OBSL1: variants seen among roughly 807,000 people sequenced by gnomAD.
The protein encoded by OBSL1 is obscurin-like protein 1.
Under a neutral mutation model 172.0 loss-of-function variants are expected in OBSL1, and 160 were observed. The observed-to-expected ratio is 0.93, with a 90% confidence interval of 0.82 to 1.06. The LOEUF (loss-of-function observed/expected upper bound fraction) is 1.06, where lower values mean the gene tolerates loss of function less well. Ranked by LOEUF, OBSL1 falls within the 50% of genes least tolerant of loss-of-function variation. OBSL1 has a pLI of 0.00. For missense variants in OBSL1, 2,681 were observed against 2,715.4 expected (o/e 0.99, Z 0.28); for synonymous variants, 1,200 against 1,196.3 (o/e 1.00, Z -0.06).
rs559587743 is a variant in OBSL1, at chr2:219,565,768, T to G, written c.2135-254A>C. ...TATAAACCAGCCCTCCAGGTGGTTC[T>G]GATGTCAGTGAACTGGGATCCCATT... On this transcript the variant is annotated intron_variant, in intron 5 of 20. Transcript: ENST00000404537. Among the ~76,000 whole-genome samples the G allele has an allele frequency of 5.6e-4, 85 of 152,316 alleles. No homozygotes were observed. The East Asian group carries it at 7.7e-3, about 14-fold the overall frequency.
chr2:219,549,326 A>C, downstream of OBSL1: 1 of 1,613,706 alleles, frequency 6.2e-7, no homozygotes, highest in Non-Finnish European at 8.5e-7. Flanking sequence ...GTGCCCATCA[A>C]ACGCTTCAAT....
intron 6 of OBSL1, among the ~76,000 whole-genome samples, chr2:219,564,021 T>C (rs1276735519): frequency 6.6e-6 from 1 of 152,162 alleles, no homozygotes; most frequent in Non-Finnish European, 1.5e-5. Flanking sequence ...AGGTGAAGGA[T>C]GATCCAACAA....
At chr2:219,548,158 G>T, downstream of OBSL1, 1 of 1,322,524 alleles carries the variant, frequency 7.6e-7, no homozygotes, top group Non-Finnish European at 1.0e-6. Flanking sequence ...TGACTGGGGA[G>T]TGGGGGACAG....
chr2:219,552,135 G>T lies in OBSL1; in HGVS notation c.5390C>A (p.Ser1797Tyr), dbSNP rs776895975. 8.7e-6 allele frequency: 14 copies of T among 1,611,284 alleles called. No individual in the cohort carries two copies. The highest frequency in any genetic ancestry group is 1.1e-5 in the South Asian group (1 of 90,600). Residue 1797 changes from serine (S) to tyrosine (Y), a missense_variant, in exon 19 of 21, where the codon TCC becomes TAC. Around this residue, in one of 5 missense-constraint regions of OBSL1, gnomAD observed 1,765 missense variants for 1,748.3 expected, o/e 1.01. Coordinates refer to ENST00000404537, the MANE Select transcript of OBSL1 (RefSeq NM_015311.3). ...ACCCTCCACTTCCAGTAGAGCCAGG[G>T]ACTGGGCGGGCCCCGCCTGGAAGCG... ...EVRFQAGPAQ[S>Y]LALLEVEALP...
chr2:219,551,272 G>A (rs1047001556), intron 20 of OBSL1: 6 of 1,405,304 alleles, frequency 4.3e-6, no homozygotes, highest in Non-Finnish European at 5.5e-6. Context: ...CCAGTGGCAG[G>A]AGAGAGGAGA....
At position 219,567,404 on chromosome 2, in the gene OBSL1, A is replaced by T; in HGVS notation, c.1706T>A (p.Ile569Asn). 1.2e-6 allele frequency: 2 copies of T among 1,613,136 alleles called. No individual in the cohort carries two copies. The highest frequency in any genetic ancestry group is 2.2e-5 in the South Asian group (2 of 90,880). ...GSEDWIQCFS[I>N]EKAGAVEVPG... ...CACCTCCACGGCTCCGGCTTTCTCGATGCTGAAGCACTGAATCCAGTCTTC... is the reference window on the plus strand; with the variant it reads ...CACCTCCACGGCTCCGGCTTTCTCGTTGCTGAAGCACTGAATCCAGTCTTC... The change falls in exon 4 of 21, where the codon ATC becomes AAC. Residue 569 changes from isoleucine to asparagine, a missense_variant. Ile to Asn is a moderately radical substitution (Grantham distance 149). Coordinates refer to ENST00000404537, the MANE Select transcript of OBSL1 (RefSeq NM_015311.3).
rs760732939 is a variant in OBSL1, at chr2:219,551,522, TACTC to T, written c.5683+3_5683+6del. 1 of 1,576,774 alleles carries T rather than the reference TACTC, an allele frequency of 6.3e-7. No individual in the cohort carries two copies. Among genetic ancestry groups the T allele is most frequent in the Non-Finnish European group, 8.6e-7 (1 of 1,159,908 alleles). On this transcript the variant is annotated splice_donor_5th_base_variant and intron_variant, in intron 20 of 20. Coordinates refer to ENST00000404537, the MANE Select transcript of OBSL1 (RefSeq NM_015311.3). ...CCTCCTGCCGCTGCCCAGTTGGCTT[TACTC>T]ACCCTCTACCAGCAGCCGTGTGTGG...
At chr2:219,550,499 T>C, downstream of OBSL1, 1 of 355,448 alleles carries the variant, frequency 2.8e-6, no homozygotes, top group Non-Finnish European at 5.3e-6. Context: ...CTGGTGTCTG[T>C]CATGCCAACC....
rs1350868057 is a variant in OBSL1 at position 219,558,563 on chromosome 2, G to T, written c.3227-104C>A. ...TCCCCACTGGCAGCACAGCTCTTGA[G>T]AACAGTGCCAGCTGCAGTCCATGGA... On this transcript the variant is annotated intron_variant, in intron 9 of 20. Transcript: ENST00000404537. 5 of 1,315,364 alleles carry T rather than the reference G, an allele frequency of 3.8e-6. No homozygotes were observed. In the African/African-American group the frequency reaches 5.9e-5, roughly 16 times the overall value. The allele number at this position is 1,315,364 out of a possible 1,614,324, so 81.5% of individuals were successfully genotyped here. A position where few individuals can be genotyped will look rare whatever the true frequency, so the allele number is the denominator to read the frequency against.
Position 219,552,783 on chromosome 2 carries a change from G to C in OBSL1, c.5146+85C>G, listed in dbSNP as rs988779387. 3 of 1,516,224 alleles carry C rather than the reference G, an allele frequency of 2.0e-6. No individual in the cohort carries two copies. The African/African-American group carries it at 4.2e-5, about 21-fold the overall frequency. The allele number at this position is 1,516,224 out of a possible 1,614,324, so 93.9% of individuals were successfully genotyped here. On this transcript the variant is annotated intron_variant, in intron 17 of 20. Coordinates refer to ENST00000404537, the MANE Select transcript of OBSL1 (RefSeq NM_015311.3). ...CTCCACGCCCCCTTTCTAGAAGCAC[G>C]CGCGGTCATCAGGGTCCGGGGAAGA... is the stretch of plus-strand genomic sequence containing the variant.
downstream of OBSL1, among the ~76,000 whole-genome samples, chr2:219,548,866 AGAT>A (rs1206591537): frequency 2.0e-5 from 3 of 152,122 alleles, no homozygotes; most frequent in Admixed American, 1.3e-4. Flanking sequence ...TCCAGTGGAA[AGAT>A]GATGATGGCT....
At chr2:219,561,370 C>T (rs367703023) in intron 8 of OBSL1, among the ~76,000 whole-genome samples, 3 of 152,114 alleles carry the variant, frequency 2.0e-5, no homozygotes, top group African/African-American at 2.4e-5. Flanking sequence ...ACTGAACCTC[C>T]GTCACTTCCA....
At position 219,551,794 on chromosome 2, in the gene OBSL1, C is replaced by T; in HGVS notation, c.5418G>A (p.Leu1806=). Residue 1806 remains leucine, a synonymous_variant, in exon 20 of 21, where the codon TTG becomes TTA. Coordinates refer to ENST00000404537, the MANE Select transcript of OBSL1 (RefSeq NM_015311.3). The stretch of plus-strand genomic sequence containing the variant: ...GGGGGTGGCGGCACATCTGGAGAGG[C>T]AATGCTGGGGGTAGGGGGCGGGGGC... ...QSLALLEVEA[L]PLQMCRHPPR... 1 of 1,573,354 alleles carries T rather than the reference C, an allele frequency of 6.4e-7. No individual in the cohort carries two copies. The highest frequency in any genetic ancestry group is 8.6e-7 in the Non-Finnish European group (1 of 1,156,722).
chr2:219,549,836 C>G (rs776238004), downstream of OBSL1: 1 of 1,614,004 alleles, frequency 6.2e-7, no homozygotes, highest in East Asian at 2.2e-5. Context: ...CCTGCTCAGG[C>G]CCCCCAGTGC....
chr2:219,549,115 C>T (rs376749290), downstream of OBSL1: 266 of 1,610,214 alleles, frequency 1.7e-4, no homozygotes, highest in African/African-American at 2.5e-4. Flanking sequence ...CAAGGCGCAC[C>T]GTCCTCTGAG....
At chr2:219,563,015 T>C (rs991025964) in intron 7 of OBSL1, 3 of 464,386 alleles carry the variant, frequency 6.5e-6, no homozygotes, top group Admixed American at 3.6e-5. Flanking sequence ...GGGGGTCTCC[T>C]CCTCCAAGAT....
rs202180262 is a variant in OBSL1 at position 219,570,506 on chromosome 2, G to C, written c.727C>G (p.Pro243Ala). ...PPADPDEAPA[P>A]VVEPLKCAPK... is the part of the protein sequence containing the mutation. ...GCGCACTTGAGCGGCTCCACCACCGGCGCGGGGGCCTCGTCGGGGTCCGCG... is the reference window on the plus strand; with the variant it reads ...GCGCACTTGAGCGGCTCCACCACCGCCGCGGGGGCCTCGTCGGGGTCCGCG... The change falls in exon 1 of 21, where the codon CCG becomes GCG. Residue 243 changes from proline (P) to alanine (A), a missense_variant. Coordinates refer to ENST00000404537, the MANE Select transcript of OBSL1 (RefSeq NM_015311.3). 1.6e-5 allele frequency: 26 copies of C among 1,611,368 alleles called. No individual in the cohort carries two copies. Among genetic ancestry groups the C allele is most frequent in the Admixed American group, 1.0e-4 (6 of 59,948 alleles).
chr2:219,549,452 A>T, downstream of OBSL1: 1 of 1,424,804 alleles, frequency 7.0e-7, no homozygotes, highest in East Asian at 2.4e-5. Flanking sequence ...TGCTATCTAG[A>T]AGGCCTGTTT....
At position 219,568,043 on chromosome 2, in the gene OBSL1, G is replaced by A. The variant is rs756523925; in HGVS notation, c.1282+12C>T. 9 of 1,608,364 alleles carry A rather than the reference G, an allele frequency of 5.6e-6. No individual in the cohort carries two copies. Among genetic ancestry groups the A allele is most frequent in the East Asian group, 4.5e-5 (2 of 44,686 alleles). On this transcript the variant is annotated intron_variant, in intron 2 of 20. Transcript: ENST00000404537. The surrounding 1 kb of genome is among the most constrained non-coding windows in gnomAD (Gnocchi z 4.1). ...GCCTCCGCCTCAGCCTCTTCCCCAC[G>A]GGCCAGCTGACCTTTGACTGTGACG...
Sources: gnomAD v4.1 joint callset for allele counts (sites outside exome capture counted in the v4.1 genomes callset) on GRCh38, gnomAD v4.1.1 for gene constraint, gnomAD v4.1.1 regional missense constraint, Gnocchi (gnomAD v3.1) non-coding constraint, MANE v1.5 for transcripts, NCBI Gene and HGNC (gene_info 2026-07-23, HGNC 2026-07-21) for gene names.